PARVB: variants seen among roughly 807,000 people sequenced by gnomAD.
PARVB encodes parvin beta.
In PARVB, 46 loss-of-function variants were observed where a neutral mutation model predicts 47.0. The ratio of observed to expected loss-of-function variants is 0.98; its 90% CI spans 0.77 to 1.25. The LOEUF is 1.25. Ranked by LOEUF, PARVB falls within the 50% of genes most tolerant of loss-of-function variation. The probability of loss-of-function intolerance (pLI) is 0.00; values close to 1 mark genes in which losing one functional copy is unlikely to be tolerated. For missense variants in PARVB, 473 were observed against 471.6 expected (o/e 1.00, Z -0.03); for synonymous variants, 196 against 196.3 (o/e 1.00, Z 0.01).
intron 6 of PARVB, among the ~76,000 whole-genome samples, chr22:44,135,629 C>A (rs1256822096): frequency 2.0e-5 from 3 of 152,194 alleles, no homozygotes; most frequent in Non-Finnish European, 4.4e-5. Flanking sequence ...CTAGGGCAGC[C>A]ATAACAAAGT....
chr22:44,144,581 T>A (rs968632721), intron 8 of PARVB: 1 of 152,242 alleles, frequency 6.6e-6, no homozygotes, highest in Non-Finnish European at 1.5e-5. Context: ...GTGGATTACT[T>A]GAGGTCAGGA....
At chr22:44,046,780 A>C (rs892931209) in intron 1 of PARVB, among the ~76,000 whole-genome samples, 3 of 152,242 alleles carry the variant, frequency 2.0e-5, no homozygotes, top group African/African-American at 7.2e-5. Context: ...CTGTGTTCAA[A>C]GTTCAGCACA....
intron 1 of PARVB, among the ~76,000 whole-genome samples, chr22:44,044,520 C>T (rs1314491513): frequency 6.6e-6 from 1 of 151,442 alleles, no homozygotes; most frequent in Non-Finnish European, 1.5e-5. Context: ...GAATCTCGCT[C>T]TGTCGCCCAG....
chr22:44,009,381 C>T (rs969505602), intron 2 of PARVB: 1 of 152,176 alleles, frequency 6.6e-6, no homozygotes, highest in Non-Finnish European at 1.5e-5. Flanking sequence ...TTCATTTTCT[C>T]AATCAAAATG....
At position 44,122,548 on chromosome 22, in the gene PARVB, GAGAGAC is replaced by G. The variant is rs1569134499; in HGVS notation, c.376+3410_376+3415del. On this transcript the variant is annotated intron_variant, in intron 4 of 12. Coordinates refer to ENST00000338758, the MANE Select transcript of PARVB (RefSeq NM_013327.5). ...AGAGACAGAGAGAGAGAGAGAGAGAGAGAGACACAGAGACAGAGAGAGAGAGAGAGA... is the reference window on the plus strand; with the variant it reads ...AGAGACAGAGAGAGAGAGAGAGAGAGACAGAGACAGAGAGAGAGAGAGAGA... 2.6e-3 allele frequency among the ~76,000 whole-genome samples: 243 copies of G among 92,034 alleles called. 6 individuals are homozygous for G. The highest frequency in any genetic ancestry group is 3.3e-3 in the South Asian group (10 of 3,076). The allele number at this position is 92,034 out of a possible 152,430, so 60.4% of individuals were successfully genotyped here.
rs556760158 is a variant in PARVB at position 44,039,096 on chromosome 22, TGTG to T, written c.112+14649_112+14651del. On this transcript the variant is annotated intron_variant, in intron 1 of 12. Coordinates refer to ENST00000338758, the MANE Select transcript of PARVB (RefSeq NM_013327.5). ...CAGACCCATGGGAAAGGCTGGAAGATGTGGTGAGAATAGGACAGCTGCTACTCA... is the reference window on the plus strand; with the variant it reads ...CAGACCCATGGGAAAGGCTGGAAGATGTGAGAATAGGACAGCTGCTACTCA... Among the ~76,000 whole-genome samples, 11 of 152,242 alleles carry T rather than the reference TGTG, an allele frequency of 7.2e-5. No homozygotes were observed. The South Asian group carries it at 2.3e-3, about 32-fold the overall frequency.
intron 2 of PARVB, among the ~76,000 whole-genome samples, chr22:44,007,764 A>G: frequency 6.6e-6 from 1 of 151,958 alleles, no homozygotes; most frequent in Admixed American, 6.6e-5. Context: ...CATCACCACC[A>G]CCCATCTCCA....
At chr22:44,048,123 G>A (rs8137356) in intron 1 of PARVB, among the ~76,000 whole-genome samples, 12,529 of 152,202 alleles carry the variant, frequency 0.082, 1,031 homozygotes, top group African/African-American at 0.22. Flanking sequence ...CAGAAGAGCT[G>A]TGCAGAATGT....
chr22:44,112,443 T>C (rs2052722540), intron 3 of PARVB: 1 of 152,874 alleles, frequency 6.5e-6, no homozygotes, highest in African/African-American at 2.4e-5. Context: ...GTGCTCAGCT[T>C]ACTGGCAGGG....
intron 2 of PARVB, among the ~76,000 whole-genome samples, chr22:44,095,505 T>TGAA (rs1555902419): frequency 6.3e-5 from 8 of 127,452 alleles, no homozygotes; most frequent in Non-Finnish European, 1.0e-4. Flanking sequence ...CATCTCAAAG[T>TGAA]AAAAAAAAAA....
At chr22:44,095,650 A>T (rs1423812899) in intron 2 of PARVB, among the ~76,000 whole-genome samples, 2 of 152,188 alleles carry the variant, frequency 1.3e-5, no homozygotes, top group East Asian at 3.8e-4. Context: ...GCCTGATGTA[A>T]TGGGTAACAG....
intron 1 of PARVB, among the ~76,000 whole-genome samples, chr22:44,087,394 C>T (rs1274613809): frequency 6.6e-6 from 1 of 152,208 alleles, no homozygotes; most frequent in South Asian, 2.1e-4. Context: ...GTGGCTCAGC[C>T]TCCATTGGGC....
chr22:44,050,795 C>T (rs1009263219), intron 1 of PARVB, among the ~76,000 whole-genome samples: 7 of 152,196 alleles, frequency 4.6e-5, no homozygotes, highest in African/African-American at 1.7e-4. Flanking sequence ...GGCAACACCT[C>T]TCTCACCTGT....
At chr22:44,120,512 C>T (rs1224446760) in intron 4 of PARVB, among the ~76,000 whole-genome samples, 2 of 152,054 alleles carry the variant, frequency 1.3e-5, no homozygotes, top group Non-Finnish European at 2.9e-5. Context: ...AGTGTGACTG[C>T]GCTGCCTGCT....
At chr22:44,105,406 G>A (rs1016574576) in intron 3 of PARVB, 1 of 152,246 alleles carries the variant, frequency 6.6e-6, no homozygotes. Context: ...GACTTTCAAA[G>A]GCCCATGCCT....
chr22:44,029,660 C>T (rs757202306), intron 1 of PARVB, among the ~76,000 whole-genome samples: 2 of 152,012 alleles, frequency 1.3e-5, no homozygotes. Context: ...CCTGTAATCC[C>T]AGCACTTTGG....
chr22:44,146,404 AAC>A (rs1454638910), intron 8 of PARVB: 3 of 151,510 alleles, frequency 2.0e-5, no homozygotes, highest in Non-Finnish European at 2.9e-5. Context: ...CACACACGCA[AAC>A]ACGTGCCCAC....
chr22:44,101,875 C>A (rs1278582971), intron 3 of PARVB, among the ~76,000 whole-genome samples: 1 of 151,902 alleles, frequency 6.6e-6, no homozygotes, highest in Non-Finnish European at 1.5e-5. Flanking sequence ...TTTGTTATTT[C>A]AAACAGAAGA....
chr22:44,164,015 C>T, intron 12 of PARVB, 85 bp downstream of exon 12: 1 of 1,031,674 alleles, frequency 9.7e-7, no homozygotes, highest in South Asian at 1.5e-5. Context: ...GGAAGGCTGG[C>T]ATGTTGTTCC....
Sources: gnomAD v4.1 joint callset for allele counts (sites outside exome capture counted in the v4.1 genomes callset) on GRCh38, gnomAD v4.1.1 for gene constraint, MANE v1.5 for transcripts, NCBI Gene and HGNC (gene_info 2026-07-23, HGNC 2026-07-21) for gene names.